The following CDK14 variants were observed in gnomAD, a reference collection of about 807,000 sequenced individuals.
CDK14 encodes cyclin-dependent kinase 14.
A neutral mutation model predicts 60.7 loss-of-function variants in CDK14; 34 were observed. The observed-to-expected ratio is 0.56, with a 90% CI of 0.43 to 0.75. CDK14 has a LOEUF of 0.75. CDK14 is among the 30% of genes least tolerant of loss of function. The pLI is 0.00. For missense variants in CDK14, 482 were observed against 564.1 expected, an observed-to-expected ratio of 0.85 and a Z score of 1.47; for synonymous variants, 197 against 203.7, an observed-to-expected ratio of 0.97 and a Z score of 0.28.
rs144983102 is a variant in CDK14, at chr7:90,606,833, C to T, written c.123+2584C>T. Among the ~76,000 whole-genome samples the T allele has an allele frequency of 2.9e-3, 441 of 152,316 alleles. 2 individuals carry two copies. Among genetic ancestry groups the T allele is most frequent in the African/African-American group, 0.01 (420 of 41,570 alleles). On this transcript the variant is annotated intron_variant, in intron 2 of 14. Transcript: ENST00000380050. ...TTAGGTGTTAGGCAATGTGGATTCT[C>T]ATCTGCCACTTTCTAGTTATTTGGG...
At chr7:91,073,283 A>G (rs1313792946) in intron 11 of CDK14, among the ~76,000 whole-genome samples, 1 of 152,206 alleles carries the variant, frequency 6.6e-6, no homozygotes, top group South Asian at 2.1e-4. Flanking sequence ...TACAAAGGGA[A>G]GCCCATCAGA....
chr7:91,070,776 A>G (rs537343397), intron 11 of CDK14, among the ~76,000 whole-genome samples: 1 of 152,082 alleles, frequency 6.6e-6, no homozygotes, highest in Admixed American at 6.6e-5. Context: ...AAAAAAGGAA[A>G]TGTTAAAAAA....
intron 5 of CDK14, among the ~76,000 whole-genome samples, chr7:90,850,623 A>G (rs1562797944): frequency 1.3e-5 from 2 of 152,130 alleles, no homozygotes; most frequent in Admixed American, 1.3e-4. Context: ...AGAAAGGACA[A>G]TGTCTCCTAA....
At chr7:91,149,336 C>T (rs1263349830) in intron 14 of CDK14, among the ~76,000 whole-genome samples, 1 of 151,750 alleles carries the variant, frequency 6.6e-6, no homozygotes. Flanking sequence ...TCTTCATGCT[C>T]TTTCCTTTTT....
intron 10 of CDK14, among the ~76,000 whole-genome samples, chr7:91,025,892 A>T (rs2115900794): frequency 6.6e-6 from 1 of 152,346 alleles, no homozygotes; most frequent in East Asian, 1.9e-4. Context: ...TATCTTTCAA[A>T]AATGCCCACT....
At chr7:90,792,086 G>C (rs961939597) in intron 5 of CDK14, among the ~76,000 whole-genome samples, 6 of 151,866 alleles carry the variant, frequency 4.0e-5, no homozygotes, top group African/African-American at 1.2e-4. Flanking sequence ...ATTTTTAGTA[G>C]AGATGGGGTT....
chr7:91,108,590 T>TG (rs1799379869), intron 12 of CDK14, among the ~76,000 whole-genome samples: 1 of 152,218 alleles, frequency 6.6e-6, no homozygotes, highest in African/African-American at 2.4e-5. Context: ...ACATTAATAG[T>TG]GGTGCCTGTA....
At chr7:90,795,302 G>A (rs990092778) in intron 5 of CDK14, among the ~76,000 whole-genome samples, 4 of 152,092 alleles carry the variant, frequency 2.6e-5, no homozygotes, top group Non-Finnish European at 5.9e-5. Context: ...CCCACAGTCT[G>A]CATTTGTAGT....
chr7:91,135,765 A>AT (rs1213281924), intron 14 of CDK14, among the ~76,000 whole-genome samples: 1 of 152,182 alleles, frequency 6.6e-6, no homozygotes, highest in African/African-American at 2.4e-5. Flanking sequence ...GGCTCAAAGC[A>AT]TCCCCCTTTG....
chr7:90,701,487 G>T (rs1708949667), intron 2 of CDK14, among the ~76,000 whole-genome samples: 1 of 152,140 alleles, frequency 6.6e-6, no homozygotes, highest in Non-Finnish European at 1.5e-5. Flanking sequence ...AAGTAGCTTT[G>T]TAAAAACCTT....
At chr7:90,839,002 C>T (rs978588440) in intron 5 of CDK14, among the ~76,000 whole-genome samples, 3 of 152,110 alleles carry the variant, frequency 2.0e-5, no homozygotes, top group African/African-American at 7.2e-5. Context: ...AGCTAGGGGT[C>T]GCCATCACGG....
At chr7:90,812,742 G>T (rs1252357401) in intron 5 of CDK14, among the ~76,000 whole-genome samples, 1 of 152,164 alleles carries the variant, frequency 6.6e-6, no homozygotes, top group Non-Finnish European at 1.5e-5. Flanking sequence ...CAGTATAACG[G>T]TTATAATTGA....
At chr7:91,189,317 T>A (rs1416118588) in intron 14 of CDK14, among the ~76,000 whole-genome samples, 1 of 152,186 alleles carries the variant, frequency 6.6e-6, no homozygotes, top group East Asian at 1.9e-4. Context: ...CAGTTCTTCA[T>A]CACATTTAGT....
chr7:91,098,211 C>T (rs1799052479), intron 12 of CDK14, among the ~76,000 whole-genome samples: 1 of 152,166 alleles, frequency 6.6e-6, no homozygotes, highest in African/African-American at 2.4e-5. Flanking sequence ...AATTAGAGTG[C>T]CCAGCAAATA....
intron 6 of CDK14, among the ~76,000 whole-genome samples, chr7:90,892,842 G>A (rs1287377347): frequency 6.6e-6 from 1 of 152,124 alleles, no homozygotes; most frequent in African/African-American, 2.4e-5. Flanking sequence ...GCAGTGGCAC[G>A]ATCTTGGCTC....
At chr7:90,844,343 A>G (rs1375194522) in intron 5 of CDK14, among the ~76,000 whole-genome samples, 2 of 152,148 alleles carry the variant, frequency 1.3e-5, no homozygotes, top group Non-Finnish European at 2.9e-5. Context: ...GTAAGGAGAA[A>G]TACACTTTTT....
chr7:90,811,415 T>A (rs78993883), intron 5 of CDK14, among the ~76,000 whole-genome samples: 1 of 151,832 alleles, frequency 6.6e-6, no homozygotes, highest in South Asian at 2.1e-4. Context: ...GCTAGCCATA[T>A]GCAGAAAGCT....
intron 14 of CDK14, among the ~76,000 whole-genome samples, chr7:91,164,221 C>G (rs567404071): frequency 3.3e-5 from 5 of 152,304 alleles, no homozygotes; most frequent in African/African-American, 1.2e-4. Context: ...CATTCTACCA[C>G]TGATGAACAA....
chr7:90,822,688 A>G (rs534862126), intron 5 of CDK14, among the ~76,000 whole-genome samples: 15 of 152,340 alleles, frequency 9.8e-5, no homozygotes, highest in African/African-American at 3.4e-4. Flanking sequence ...AATGAACTAC[A>G]TTTACATACA....
Sources: gnomAD v4.1 joint callset for allele counts (sites outside exome capture counted in the v4.1 genomes callset) on GRCh38, gnomAD v4.1.1 for gene constraint, MANE v1.5 for transcripts, NCBI Gene and HGNC (gene_info 2026-07-23, HGNC 2026-07-21) for gene names.